Variants in WWC2 observed in about 807,000 individuals in gnomAD.
WWC2 encodes the protein WW and C2 domain containing 2.
WWC2 carries 101 observed loss-of-function variants against 138.5 expected under a neutral mutation model. The observed-to-expected ratio is 0.73, with a 90% CI of 0.62 to 0.86. The LOEUF is 0.86. Among genes scored for constraint, WWC2 ranks in the 40% least tolerant of loss-of-function variants. The pLI, the probability that WWC2 is intolerant of heterozygous loss-of-function variation, is 0.00. For missense variants in WWC2, 1,420 were observed against 1,419.4 expected (o/e 1.00, Z -0.01); for synonymous variants, 558 against 538.4 (o/e 1.04, Z -0.50).
intron 1 of WWC2, among the ~76,000 whole-genome samples, chr4:183,191,552 A>T (rs1185657440): frequency 6.6e-6 from 1 of 152,196 alleles, no homozygotes; most frequent in South Asian, 2.1e-4. Context: ...CAGAATAAAG[A>T]TTTGAGCCCA....
chr4:183,261,489 C>A lies in WWC2; in HGVS notation c.1866C>A (p.Asp622Glu). Reference sequence around the variant, plus strand: ...CCCAGTCTCTTTCAGAGGATAAAGACCTTAATGAATGTGCTAGGGAGCCAT... The same window carrying A: ...CCCAGTCTCTTTCAGAGGATAAAGAACTTAATGAATGTGCTAGGGAGCCAT... Reference protein sequence around the residue: ...GASQSLSEDKDLNECAREPLY... With the variant: ...GASQSLSEDKELNECAREPLY... The change falls in exon 11 of 23, where the codon GAC becomes GAA. Residue 622 changes from aspartate to glutamate, a missense_variant. Coordinates refer to ENST00000403733, the MANE Select transcript of WWC2 (RefSeq NM_024949.6). 6.2e-7 allele frequency: 1 copy of A among 1,612,834 alleles called. No homozygotes were observed. The highest frequency in any genetic ancestry group is 8.5e-7 in the Non-Finnish European group (1 of 1,179,444).
rs201197423 is a variant in WWC2, at chr4:183,191,715, AT to A, written c.132-1875del. Among the ~76,000 whole-genome samples the A allele has an allele frequency of 6.0e-3, 711 of 118,510 alleles. 6 individuals are homozygous for A. Among genetic ancestry groups the A allele is most frequent in the African/African-American group, 0.019 (640 of 33,618 alleles). 77.7% of individuals were successfully genotyped at this position (118,510 alleles called of 152,430 possible). ...CTCAAGAATTTGTATTATTTCTATT[AT>A]TTTTTTTTAATCATTTTAGTTTTTT... On this transcript the variant is annotated intron_variant, in intron 1 of 22. Coordinates refer to ENST00000403733, the MANE Select transcript of WWC2 (RefSeq NM_024949.6).
intron 1 of WWC2, among the ~76,000 whole-genome samples, chr4:183,107,103 CTCTT>C (rs906392999): frequency 6.6e-6 from 1 of 152,034 alleles, no homozygotes; most frequent in South Asian, 2.1e-4. Context: ...TCCTTCTCTC[CTCTT>C]TCTGTCTCTC....
intron 14 of WWC2, among the ~76,000 whole-genome samples, chr4:183,268,727 G>C (rs1737588774): frequency 6.6e-6 from 1 of 152,134 alleles, no homozygotes; most frequent in South Asian, 2.1e-4. Context: ...ATGTGCCTTT[G>C]CTGCAGTCTC....
rs554832445 is a variant in WWC2 at position 183,109,157 on chromosome 4, C to T, written c.131+9535C>T. 1.9e-3 allele frequency among the ~76,000 whole-genome samples: 292 copies of T among 152,158 alleles called. 3 individuals are homozygous for T. Among genetic ancestry groups the T allele is most frequent in the Admixed American group, 3.0e-3 (46 of 15,268 alleles). ...TTCTGCTTTGTAGGCCTCATTTTAG[C>T]CCTCCAGCTAAGAATGGGTTTTAAA... On this transcript the variant is annotated intron_variant, in intron 1 of 22. Coordinates refer to ENST00000403733, the MANE Select transcript of WWC2 (RefSeq NM_024949.6).
At chr4:183,117,945 C>T (rs2152889244) in intron 1 of WWC2, among the ~76,000 whole-genome samples, 2 of 151,638 alleles carry the variant, frequency 1.3e-5, no homozygotes, top group East Asian at 3.9e-4. Flanking sequence ...GGACTATAGG[C>T]TCGTGCCACC....
intron 21 of WWC2, among the ~76,000 whole-genome samples, chr4:183,306,176 A>G (rs930719476): frequency 1.4e-4 from 21 of 148,976 alleles, no homozygotes; most frequent in Admixed American, 3.3e-4. Flanking sequence ...AAAGTCCTCA[A>G]TTAAAGCCAC....
chr4:183,237,511 T>G (rs1196739592), intron 4 of WWC2, among the ~76,000 whole-genome samples: 5 of 152,140 alleles, frequency 3.3e-5, no homozygotes, highest in African/African-American at 9.7e-5. Flanking sequence ...ACCTTTAAAA[T>G]CCTGTTCAGG....
chr4:183,167,155 G>T (rs950934722), intron 1 of WWC2, among the ~76,000 whole-genome samples: 2 of 152,168 alleles, frequency 1.3e-5, no homozygotes, highest in African/African-American at 2.4e-5. Flanking sequence ...GTTCTTCTCT[G>T]TGTGAACTCT....
rs546963154 is a variant in WWC2, at chr4:183,246,572, C to A, written c.732+1027C>A. ...AAATACTGACTTTGTGCCAGACATTCTTCTAACTGCCTTGCATATAAATAA... is the reference window on the plus strand; with the variant it reads ...AAATACTGACTTTGTGCCAGACATTATTCTAACTGCCTTGCATATAAATAA... On this transcript the variant is annotated intron_variant, in intron 6 of 22. Coordinates refer to ENST00000403733, the MANE Select transcript of WWC2 (RefSeq NM_024949.6). 1.1e-3 allele frequency among the ~76,000 whole-genome samples: 161 copies of A among 152,308 alleles called. 1 individual carries two copies. The highest frequency in any genetic ancestry group is 2.0e-3 in the Non-Finnish European group (138 of 68,026).
In WWC2 at chr4:183,252,945, C is replaced by A. The variant is rs181947806; in HGVS notation, c.954-812C>A. Among the ~76,000 whole-genome samples, 513 of 152,290 alleles carry A rather than the reference C, an allele frequency of 3.4e-3. 3 individuals are homozygous for A. The highest frequency in any genetic ancestry group is 4.0e-3 in the Non-Finnish European group (269 of 68,010). ...AGTGCAGTGGCGCAGTTATGGCTCA[C>A]TGTGGCCTCAAACTCCTGGGCTCAA... On this transcript the variant is annotated intron_variant, in intron 8 of 22. Transcript: ENST00000403733.
intron 21 of WWC2, among the ~76,000 whole-genome samples, chr4:183,290,471 C>T (rs533562326): frequency 1.3e-5 from 2 of 150,780 alleles, no homozygotes; most frequent in East Asian, 2.0e-4. Context: ...GAGCTGAGAT[C>T]GTGCCACTGC....
At chr4:183,250,790 C>T (rs986476240) in intron 8 of WWC2, among the ~76,000 whole-genome samples, 3 of 152,116 alleles carry the variant, frequency 2.0e-5, no homozygotes, top group African/African-American at 4.8e-5. Context: ...ACTGCATTAT[C>T]GTCCTGCAAG....
chr4:183,120,966 T>C (rs1467553250), intron 1 of WWC2, among the ~76,000 whole-genome samples: 1 of 152,206 alleles, frequency 6.6e-6, no homozygotes, highest in African/African-American at 2.4e-5. Context: ...CTTACGCCTT[T>C]GATCCCAGCA....
At chr4:183,274,976 T>G (rs1383843434) in intron 16 of WWC2, among the ~76,000 whole-genome samples, 3 of 152,182 alleles carry the variant, frequency 2.0e-5, no homozygotes, top group African/African-American at 7.2e-5. Context: ...TACAATGTTG[T>G]TAATTACAGT....
At chr4:183,156,607 C>T (rs1329920667) in intron 1 of WWC2, among the ~76,000 whole-genome samples, 1 of 152,220 alleles carries the variant, frequency 6.6e-6, no homozygotes, top group Non-Finnish European at 1.5e-5. Flanking sequence ...GCTGGGATTA[C>T]AGGTGTGAGC....
At chr4:183,271,292 A>T in intron 16 of WWC2, 51 bp downstream of exon 16, 8 of 1,394,376 alleles carry the variant, frequency 5.7e-6, no homozygotes, top group Non-Finnish European at 7.7e-6. Context: ...TACATATATG[A>T]AATACATATA....
At chr4:183,305,555 T>C (rs1228757851) in intron 21 of WWC2, among the ~76,000 whole-genome samples, 1 of 152,106 alleles carries the variant, frequency 6.6e-6, no homozygotes. Context: ...AGACAAGTAT[T>C]ATATGTGACT....
chr4:183,224,545 G>GTTGT (rs1736016725), intron 4 of WWC2, among the ~76,000 whole-genome samples: 1 of 118,776 alleles, frequency 8.4e-6, no homozygotes, highest in Non-Finnish European at 1.8e-5. Flanking sequence ...TGAGGTTTTT[G>GTTGT]TTTAGTTTTG....
Sources: allele counts gnomAD v4.1 joint callset (sites outside exome capture counted in the v4.1 genomes callset), GRCh38; gene constraint gnomAD v4.1.1; transcripts MANE v1.5; gene names NCBI Gene and HGNC (gene_info 2026-07-23, HGNC 2026-07-21).